The following PEX26 variants were observed in gnomAD, a reference collection of about 807,000 sequenced individuals.
PEX26 encodes the protein peroxisome assembly protein 26.
In PEX26, 18 loss-of-function variants were observed where a neutral mutation model predicts 31.4. The ratio of observed to expected loss-of-function variants is 0.57; its 90% confidence interval spans 0.40 to 0.85. The LOEUF is 0.85. Ranked by LOEUF, PEX26 falls within the 40% of genes least tolerant of loss-of-function variation. The pLI is 0.00. For synonymous variants in PEX26, 176 were observed against 166.9 expected (o/e 1.05, Z -0.42); for missense variants, 377 against 383.9 (o/e 0.98, Z 0.15).
intron 4 of PEX26, among the ~76,000 whole-genome samples, chr22:18,086,560 TC>T (rs1433297547): frequency 1.3e-5 from 2 of 152,182 alleles, no homozygotes; most frequent in African/African-American, 2.4e-5. Flanking sequence ...AGGAATGAGC[TC>T]CCTAAGTGAT....
rs2123673634 is a variant in PEX26, at chr22:18,095,399, C to CA, written c.*7327dup. ...GTTACCAGTGGACTTAGCTGGGTCT[C>CA]AAAGAATGGGCTGCTTTCTCTGGAA... On this transcript the variant is annotated 3_prime_UTR_variant, in exon 5 of 5. Transcript: ENST00000399744. 6.6e-6 allele frequency: 1 copy of CA among 152,310 alleles called. No individual in the cohort carries two copies. Among genetic ancestry groups the CA allele is most frequent in the East Asian group, 1.9e-4 (1 of 5,180 alleles). The allele number at this position is 152,310 out of a possible 1,614,324, so 9.4% of individuals were successfully genotyped here. A position where few individuals can be genotyped will look rare whatever the true frequency, so the allele number is the denominator to read the frequency against.
chr22:18,098,825 A>T lies in PEX26; in HGVS notation c.*10750A>T, dbSNP rs1434881220. On this transcript the variant is annotated 3_prime_UTR_variant, in exon 5 of 5. Coordinates refer to ENST00000399744, the MANE Select transcript of PEX26 (RefSeq NM_001127649.3). ...GGAGTAATGAAAATACTATATAATA[A>T]ATATAAAATGGATTAAAACTATATA... 3 of 151,768 alleles carry T rather than the reference A, an allele frequency of 2.0e-5. No homozygotes were observed. The highest frequency in any genetic ancestry group is 7.3e-5 in the African/African-American group (3 of 41,336). The allele number at this position is 151,768 out of a possible 1,614,324, so 9.4% of individuals were successfully genotyped here.
chr22:18,083,448 A>G lies in PEX26; in HGVS notation c.383A>G (p.Tyr128Cys). ...TTTGGGGACTGCAGCATTCTTTTAT[A>G]CAGCAAAATGCAAGAGCCTGGAGCT... is the stretch of plus-strand genomic sequence containing the variant. ...PKVLELCILL[Y>C]SKMQEPGAVL... The change falls in exon 3 of 5, where the codon TAC (tyrosine) becomes TGC (cysteine). Residue 128 changes from tyrosine (Y) to cysteine (C), a missense_variant. Coordinates refer to ENST00000399744, the MANE Select transcript of PEX26 (RefSeq NM_001127649.3). 6.2e-7 allele frequency: 1 copy of G among 1,613,992 alleles called. No individual in the cohort carries two copies. Among genetic ancestry groups the G allele is most frequent in the Non-Finnish European group, 8.5e-7 (1 of 1,180,024 alleles).
In PEX26 at chr22:18,103,114, G is replaced by C. The variant is rs978644034; in HGVS notation, c.*15039G>C. ...TCTCAAAAAAAAAAAAAAAAAAAAG[G>C]CATGTAAAAGTTAATCTCATGGAGG... On this transcript the variant is annotated 3_prime_UTR_variant, in exon 5 of 5. Coordinates refer to ENST00000399744, the MANE Select transcript of PEX26 (RefSeq NM_001127649.3). 7.9e-5 allele frequency: 6 copies of C among 75,886 alleles called. No individual in the cohort carries two copies. Among genetic ancestry groups the C allele is most frequent in the Middle Eastern group, 8.2e-3 (1 of 122 alleles). 4.7% of individuals were successfully genotyped at this position (75,886 alleles called of 1,614,324 possible). A position where few individuals can be genotyped will look rare whatever the true frequency, so the allele number is the denominator to read the frequency against.
chr22:18,085,451 T>C (rs1319093690), intron 4 of PEX26, among the ~76,000 whole-genome samples, 193 bp downstream of exon 4: 6 of 152,158 alleles, frequency 3.9e-5, no homozygotes, highest in Non-Finnish European at 8.8e-5. Context: ...GAGAGGCCAG[T>C]CCTGGAGTCT....
chr22:18,078,510 T>C lies in PEX26; in HGVS notation c.134T>C (p.Leu45Pro), dbSNP rs61752132. The change falls in exon 1 of 5, where the codon CTG becomes CCG. Residue 45 changes from leucine to proline, a missense_variant. By Grantham distance (98) the Leu-to-Pro change is moderately conservative. Coordinates refer to ENST00000399744, the MANE Select transcript of PEX26 (RefSeq NM_001127649.3). ...CTTCTGGAGGAGGCGGCCGACCTCC[T>C]GGTGGTGCACCTGGACTTCCGGGCG... is the stretch of plus-strand genomic sequence containing the variant. ...VDLLEEAADLLVVHLDFRAAL... is the reference protein window; with the variant it reads ...VDLLEEAADLPVVHLDFRAAL... The C allele has an allele frequency of 7.0e-6, 11 of 1,571,928 alleles. No homozygotes were observed. The highest frequency in any genetic ancestry group is 9.5e-6 in the Non-Finnish European group (11 of 1,161,952).
chr22:18,088,430 C>A lies in PEX26; in HGVS notation c.*355C>A. 1 of 386,412 alleles carries A rather than the reference C, an allele frequency of 2.6e-6. No individual in the cohort carries two copies. Among genetic ancestry groups the A allele is most frequent in the Non-Finnish European group, 5.0e-6 (1 of 200,700 alleles). The allele number at this position is 386,412 out of a possible 1,614,324, so 23.9% of individuals were successfully genotyped here. A position where few individuals can be genotyped will look rare whatever the true frequency, so the allele number is the denominator to read the frequency against. On this transcript the variant is annotated 3_prime_UTR_variant, in exon 5 of 5. Transcript: ENST00000399744. This position sits in a 1 kb window ranked among gnomAD's most constrained non-coding sequence, Gnocchi z 4.1. ...TCTTCAGGTCAGGATGTTAATGGAG[C>A]TGGAAGTTCAGAAAAAGCCTGGTGA...
intron 2 of PEX26, among the ~76,000 whole-genome samples, chr22:18,082,003 G>A (rs1266308926): frequency 6.6e-6 from 1 of 150,886 alleles, no homozygotes; most frequent in Non-Finnish European, 1.5e-5. Context: ...ATACCTGTTG[G>A]CCATGGTACG....
Position 18,092,895 on chromosome 22 carries a change from A to C in PEX26, c.*4820A>C, listed in dbSNP as rs891245222. 4.6e-5 allele frequency: 7 copies of C among 152,094 alleles called. No homozygotes were observed. Among genetic ancestry groups the C allele is most frequent in the African/African-American group, 1.7e-4 (7 of 41,428 alleles). 9.4% of individuals were successfully genotyped at this position (152,094 alleles called of 1,614,324 possible). A position where few individuals can be genotyped will look rare whatever the true frequency, so the allele number is the denominator to read the frequency against. On this transcript the variant is annotated 3_prime_UTR_variant, in exon 5 of 5. Transcript: ENST00000399744. ...ACAAGAAAAAAACAAAAAGTTTACA[A>C]AAGAAAAAAAGATACAGAAAAAGAA...
intron 2 of PEX26, among the ~76,000 whole-genome samples, chr22:18,082,252 T>C (rs1471033667): frequency 1.3e-5 from 2 of 152,116 alleles, no homozygotes; most frequent in African/African-American, 4.8e-5. Context: ...TTGTTACCAG[T>C]GCTTTTAAGG....
In PEX26 at chr22:18,095,937, C is replaced by T. The variant is rs12157397; in HGVS notation, c.*7862C>T. On this transcript the variant is annotated 3_prime_UTR_variant, in exon 5 of 5. Transcript: ENST00000399744. ...TCCTAGGTTCAAGCGATTCTCTTGC[C>T]TCAGCCTTCCGAGTAGCTGGAACTA... 0.097 allele frequency: 14,747 copies of T among 152,168 alleles called. 817 individuals are homozygous for T. The highest frequency in any genetic ancestry group is 0.15 in the African/African-American group (6,295 of 41,480). 9.4% of individuals were successfully genotyped at this position (152,168 alleles called of 1,614,324 possible).
intron 4 of PEX26, among the ~76,000 whole-genome samples, chr22:18,085,814 G>A (rs953029857): frequency 5.3e-5 from 8 of 152,194 alleles, no homozygotes; most frequent in Non-Finnish European, 2.9e-5. Flanking sequence ...GGAGGTTGCA[G>A]TGAGCCAAGA....
At chr22:18,085,316 G>A (rs1011550752) in intron 4 of PEX26, 58 bp downstream of exon 4, 12 of 1,578,726 alleles carry the variant, frequency 7.6e-6, no homozygotes, top group Middle Eastern at 3.5e-4. Context: ...CCAGGGCTGG[G>A]CCTGTGGGAG....
chr22:18,087,933 G>A (rs750637924), intron 4 of PEX26, 39 bp from the exon 5 acceptor site: 5 of 1,263,930 alleles, frequency 4.0e-6, no homozygotes, highest in South Asian at 2.4e-5. Context: ...ACAGGTGAGA[G>A]GGGTGGGACG....
At position 18,085,139 on chromosome 22, in the gene PEX26, T is replaced by A. The variant is rs752569172; in HGVS notation, c.695T>A (p.Leu232Gln). 2 of 1,614,148 alleles carry A rather than the reference T, an allele frequency of 1.2e-6. No individual in the cohort carries two copies. Among genetic ancestry groups the A allele is most frequent in the Non-Finnish European group, 1.7e-6 (2 of 1,180,022 alleles). Reference sequence around the variant, plus strand: ...TCTGTCTCCCACAAGTTCCTGTCACTACCGATGTTGGTTCGCCAGCTTTGG... The same window carrying A: ...TCTGTCTCCCACAAGTTCCTGTCACAACCGATGTTGGTTCGCCAGCTTTGG... ...EGSVSHKFLS[L>Q]PMLVRQLWDS... Residue 232 changes from leucine (L) to glutamine (Q), a missense_variant, in exon 4 of 5, where the codon CTA becomes CAA. Transcript: ENST00000399744.
chr22:18,086,510 C>A (rs753770403), intron 4 of PEX26, among the ~76,000 whole-genome samples: 15 of 152,118 alleles, frequency 9.9e-5, no homozygotes, highest in Non-Finnish European at 2.1e-4. Flanking sequence ...TATTATTGAA[C>A]ATTTGGGTGA....
rs563836950 is a variant in PEX26 at position 18,093,686 on chromosome 22, GTGTCTGA to G, written c.*5613_*5619del. On this transcript the variant is annotated 3_prime_UTR_variant, in exon 5 of 5. Coordinates refer to ENST00000399744, the MANE Select transcript of PEX26 (RefSeq NM_001127649.3). The stretch of plus-strand genomic sequence containing the variant: ...TATTGCAAGAATGCCCAACCCTCTG[GTGTCTGA>G]TTGTGTATCTAGCAACATTGCAGTA... The G allele has an allele frequency of 1.5e-4, 23 of 152,314 alleles. No individual in the cohort carries two copies. The highest frequency in any genetic ancestry group is 5.1e-4 in the African/African-American group (21 of 41,574). The allele number at this position is 152,314 out of a possible 1,614,324, so 9.4% of individuals were successfully genotyped here.
In PEX26 at chr22:18,083,016, G is replaced by A. The variant is rs547007876; in HGVS notation, c.372-421G>A. Among the ~76,000 whole-genome samples, 74 of 152,248 alleles carry A rather than the reference G, an allele frequency of 4.9e-4. 2 individuals are homozygous for A. The South Asian group carries it at 0.012, about 25-fold the overall frequency. ...ATGGTTCACTGTCACGTATAGAAAC[G>A]CTGTTTTTTGTACATTGATTTTTGT... On this transcript the variant is annotated intron_variant, in intron 2 of 4. Coordinates refer to ENST00000399744, the MANE Select transcript of PEX26 (RefSeq NM_001127649.3).
Position 18,099,536 on chromosome 22 carries a change from T to C in PEX26, c.*11461T>C, listed in dbSNP as rs997398970. ...TTAAGCATATATCTACCAATTTGAG[T>C]TTGGCATTCTTTTTCATTTAATATT... On this transcript the variant is annotated 3_prime_UTR_variant, in exon 5 of 5. Transcript: ENST00000399744. 6.6e-6 allele frequency: 1 copy of C among 152,206 alleles called. No individual in the cohort carries two copies. Among genetic ancestry groups the C allele is most frequent in the Non-Finnish European group, 1.5e-5 (1 of 68,030 alleles). The allele number at this position is 152,206 out of a possible 1,614,324, so 9.4% of individuals were successfully genotyped here.
Sources: gnomAD v4.1 joint callset for allele counts (sites outside exome capture counted in the v4.1 genomes callset) on GRCh38, gnomAD v4.1.1 for gene constraint, Gnocchi (gnomAD v3.1) non-coding constraint, MANE v1.5 for transcripts, NCBI Gene and HGNC (gene_info 2026-07-23, HGNC 2026-07-21) for gene names.